ADAMTS6: variants seen among roughly 807,000 people sequenced by gnomAD.
The protein encoded by ADAMTS6 is A disintegrin and metalloproteinase with thrombospondin motifs 6.
A neutral mutation model predicts 144.3 loss-of-function variants in ADAMTS6; 23 were observed. The observed-to-expected ratio is 0.16, with a 90% CI of 0.11 to 0.23. The LOEUF is 0.23. Ranked by LOEUF, ADAMTS6 falls within the 10% of genes least tolerant of loss-of-function variation. The pLI, the probability that ADAMTS6 is intolerant of heterozygous loss-of-function variation, is 1.00. For missense variants in ADAMTS6, 999 were observed against 1,379.6 expected (o/e 0.72, Z 4.37); for synonymous variants, 444 against 457.5 (o/e 0.97, Z 0.38).
intron 7 of ADAMTS6, among the ~76,000 whole-genome samples, chr5:65,388,125 G>A (rs1335381591): frequency 1.3e-5 from 2 of 152,042 alleles, no homozygotes; most frequent in Non-Finnish European, 2.9e-5. Flanking sequence ...CAGGAGAATC[G>A]CTTGAACCCA....
chr5:65,461,743 G>T (rs867441736), intron 3 of ADAMTS6, among the ~76,000 whole-genome samples: 1 of 152,164 alleles, frequency 6.6e-6, no homozygotes, highest in South Asian at 2.1e-4. Context: ...TGGATTCCTG[G>T]GTTTAGGAAT....
intron 4 of ADAMTS6, among the ~76,000 whole-genome samples, chr5:65,454,469 C>T (rs1391901443): frequency 1.3e-5 from 2 of 152,168 alleles, no homozygotes; most frequent in South Asian, 2.1e-4. Context: ...GATAGTGTTT[C>T]TCTATATCCA....
chr5:65,328,773 A>G (rs1230816920), intron 9 of ADAMTS6, among the ~76,000 whole-genome samples: 1 of 130,454 alleles, frequency 7.7e-6, no homozygotes, highest in East Asian at 2.1e-4. Context: ...TATTTTTTGC[A>G]TGGGTGGGGG....
intron 12 of ADAMTS6, among the ~76,000 whole-genome samples, chr5:65,265,570 A>G (rs919230013): frequency 1.3e-5 from 2 of 151,970 alleles, no homozygotes; most frequent in African/African-American, 4.8e-5. Context: ...GCCAGCAATT[A>G]ACTGCTTTTT....
intron 7 of ADAMTS6, among the ~76,000 whole-genome samples, chr5:65,394,281 T>C (rs1390339615): frequency 1.3e-5 from 2 of 152,126 alleles, no homozygotes; most frequent in Non-Finnish European, 1.5e-5. Flanking sequence ...ACTAGTCCAC[T>C]TGGAAAAACC....
At chr5:65,162,739 C>T (rs762560528) in intron 24 of ADAMTS6, among the ~76,000 whole-genome samples, 5 of 151,308 alleles carry the variant, frequency 3.3e-5, no homozygotes, top group African/African-American at 4.8e-5. Context: ...TAATACCCAA[C>T]ACAGAATAAT....
At position 65,155,670 on chromosome 5, in the gene ADAMTS6, T is replaced by C. The variant is rs73761650; in HGVS notation, c.3245-3725A>G. On this transcript the variant is annotated intron_variant, in intron 24 of 24. Coordinates refer to ENST00000381055, the MANE Select transcript of ADAMTS6 (RefSeq NM_197941.4). ...AAGCTCAAAAAGATTATGAAACTCA[T>C]GCTGGGTCACACAGCTAGTTGGTCT... Among the ~76,000 whole-genome samples, 1,386 of 152,302 alleles carry C rather than the reference T, an allele frequency of 9.1e-3. 17 individuals carry two copies. The highest frequency in any genetic ancestry group is 0.031 in the African/African-American group (1,303 of 41,552).
intron 7 of ADAMTS6, among the ~76,000 whole-genome samples, chr5:65,425,768 T>TG (rs201919160): frequency 1.5e-4 from 22 of 142,026 alleles, no homozygotes; most frequent in African/African-American, 5.7e-4. Context: ...GTGCTGCTTC[T>TG]TTTTTTTTTT....
intron 10 of ADAMTS6, among the ~76,000 whole-genome samples, chr5:65,298,258 G>A (rs1269683849): frequency 6.6e-6 from 1 of 151,834 alleles, no homozygotes; most frequent in African/African-American, 2.4e-5. Flanking sequence ...TATAGCCAAT[G>A]GGACAGACAC....
intron 21 of ADAMTS6, 44 bp from the exon 22 acceptor site, chr5:65,188,264 T>C (rs1754794802): frequency 6.3e-7 from 1 of 1,597,008 alleles, no homozygotes; most frequent in African/African-American, 1.3e-5. Context: ...ATTTCCTCAG[T>C]GCATCCAGAG....
intron 7 of ADAMTS6, among the ~76,000 whole-genome samples, chr5:65,354,738 C>T (rs1432051978): frequency 2.0e-5 from 3 of 148,000 alleles, no homozygotes; most frequent in Non-Finnish European, 4.5e-5. Context: ...TAACAATATT[C>T]TAATTTCTGT....
intron 20 of ADAMTS6, among the ~76,000 whole-genome samples, chr5:65,202,163 T>G (rs2112254611): frequency 6.6e-6 from 1 of 152,340 alleles, no homozygotes; most frequent in South Asian, 2.1e-4. Flanking sequence ...TTTTTATCTT[T>G]CAAAGGCTTC....
intron 14 of ADAMTS6, among the ~76,000 whole-genome samples, chr5:65,259,618 C>A (rs1760991621): frequency 6.6e-6 from 1 of 151,904 alleles, no homozygotes; most frequent in African/African-American, 2.4e-5. Flanking sequence ...CTGATAGGAG[C>A]AATTCTAGAA....
chr5:65,455,314 G>C (rs1442054107), intron 4 of ADAMTS6, among the ~76,000 whole-genome samples: 1 of 152,148 alleles, frequency 6.6e-6, no homozygotes, highest in Non-Finnish European at 1.5e-5. Flanking sequence ...AGCCTGAGGC[G>C]GGTGGATCAC....
intron 11 of ADAMTS6, among the ~76,000 whole-genome samples, chr5:65,287,626 G>A (rs1346563740): frequency 2.6e-5 from 4 of 152,126 alleles, no homozygotes; most frequent in Admixed American, 6.6e-5. Flanking sequence ...CGCCTCCTGG[G>A]TTCAAGCCAT....
At chr5:65,470,691 TA>T (rs201319128) in intron 3 of ADAMTS6, 86 bp downstream of exon 3, 25,801 of 978,358 alleles carry the variant, frequency 0.026, 74 homozygotes, top group South Asian at 0.043. Flanking sequence ...TATATATATA[TA>T]TTTTTTTTTT....
intron 7 of ADAMTS6, among the ~76,000 whole-genome samples, chr5:65,424,899 T>C (rs1222707735): frequency 1.3e-5 from 2 of 152,214 alleles, no homozygotes; most frequent in Non-Finnish European, 2.9e-5. Flanking sequence ...GCCTAGGACT[T>C]TGTCTTTTCC....
chr5:65,179,126 T>G (rs1362361916), intron 22 of ADAMTS6, among the ~76,000 whole-genome samples: 1 of 152,226 alleles, frequency 6.6e-6, no homozygotes, highest in Non-Finnish European at 1.5e-5. Context: ...GGACTCATTT[T>G]CCTTAAAATT....
intron 7 of ADAMTS6, among the ~76,000 whole-genome samples, chr5:65,356,712 T>G (rs1224079544): frequency 6.6e-6 from 1 of 151,906 alleles, no homozygotes; most frequent in East Asian, 1.9e-4. Flanking sequence ...CATACTAACA[T>G]TTATCACTTT....
Sources: allele counts gnomAD v4.1 joint callset (sites outside exome capture counted in the v4.1 genomes callset), GRCh38; gene constraint gnomAD v4.1.1; transcripts MANE v1.5; gene names NCBI Gene and HGNC (gene_info 2026-07-23, HGNC 2026-07-21).